LAMP1: variants seen among roughly 807,000 people sequenced by gnomAD.
LAMP1 encodes lysosome-associated membrane glycoprotein 1.
Under a neutral mutation model 37.5 loss-of-function variants are expected in LAMP1, and 7 were observed. That is an observed-to-expected ratio of 0.19 (90% CI 0.11 to 0.35). LAMP1 has a LOEUF of 0.35. Ranked by LOEUF, LAMP1 falls within the 10% of genes least tolerant of loss-of-function variation. LAMP1 has a pLI of 1.00. For missense variants in LAMP1, 537 were observed against 552.8 expected (o/e 0.97, Z 0.29); for synonymous variants, 236 against 229.1 (o/e 1.03, Z -0.27).
rs569970779 is a variant in LAMP1, at chr13:113,318,789, C to T, written c.563-680C>T. ...CCTCGTGAGGATGCTTGCCCATCCC[C>T]CACAGCCCCCTCCCCAAATGAAGAC... is the stretch of plus-strand genomic sequence containing the variant. On this transcript the variant is annotated intron_variant, in intron 4 of 8. Coordinates refer to ENST00000332556, the MANE Select transcript of LAMP1 (RefSeq NM_005561.4). Among the ~76,000 whole-genome samples the T allele has an allele frequency of 9.9e-5, 15 of 152,240 alleles. No homozygotes were observed. The East Asian group carries it at 2.1e-3, about 22-fold the overall frequency.
chr13:113,309,598 TA>T, intron 2 of LAMP1, 44 bp from the exon 3 acceptor site: 1 of 1,440,208 alleles, frequency 6.9e-7, no homozygotes, highest in Non-Finnish European at 9.6e-7. Flanking sequence ...GAACTTTTAA[TA>T]ACCTGCATCC....
At chr13:113,316,151 T>G (rs557734652) in intron 4 of LAMP1, among the ~76,000 whole-genome samples, 1 of 152,304 alleles carries the variant, frequency 6.6e-6, no homozygotes, top group East Asian at 1.9e-4. Flanking sequence ...CCAGAGGGTC[T>G]GAGTGCAGCT....
rs541471759 is a variant in LAMP1 at position 113,300,164 on chromosome 13, A to G, written c.61+2669A>G. On this transcript the variant is annotated intron_variant, in intron 1 of 8. Coordinates refer to ENST00000332556, the MANE Select transcript of LAMP1 (RefSeq NM_005561.4). Reference sequence around the variant, plus strand: ...CCGCCTTACCCTTTCCACTTGAACAACTGTCACTTAGGAGGTTTGAACAAT... The same window carrying G: ...CCGCCTTACCCTTTCCACTTGAACAGCTGTCACTTAGGAGGTTTGAACAAT... Among the ~76,000 whole-genome samples, 3 of 152,240 alleles carry G rather than the reference A, an allele frequency of 2.0e-5. No individual in the cohort carries two copies. The South Asian group carries it at 6.2e-4, about 32-fold the overall frequency.
chr13:113,320,748 C>A lies in LAMP1; in HGVS notation c.876+278C>A, dbSNP rs1197373775. 8.9e-6 allele frequency: 4 copies of A among 447,394 alleles called. No individual in the cohort carries two copies. The highest frequency in any genetic ancestry group is 7.8e-5 in the African/African-American group (4 of 51,434). The allele number at this position is 447,394 out of a possible 1,614,324, so 27.7% of individuals were successfully genotyped here. ...CCGTGCGGCCTTCTGGCTTCAGATGCTGCTGCCCTGTGGTTCCGTGGTGGC... is the reference window on the plus strand; with the variant it reads ...CCGTGCGGCCTTCTGGCTTCAGATGATGCTGCCCTGTGGTTCCGTGGTGGC... On this transcript the variant is annotated intron_variant, in intron 6 of 8. Coordinates refer to ENST00000332556, the MANE Select transcript of LAMP1 (RefSeq NM_005561.4). This position sits in a 1 kb window ranked among gnomAD's most constrained non-coding sequence, Gnocchi z 4.4.
intron 4 of LAMP1, among the ~76,000 whole-genome samples, chr13:113,313,959 C>T (rs1465445229): frequency 1.4e-5 from 1 of 71,100 alleles, no homozygotes; most frequent in Admixed American, 1.4e-4. Flanking sequence ...TGGAGATGCC[C>T]GTGTGCCTGG....
Position 113,322,730 on chromosome 13 carries a change from CCGCTGTCTCTGAGGGGTGGGGGT to C in LAMP1, c.*310_*332del, listed in dbSNP as rs2042710256. The C allele has an allele frequency of 1.4e-5, 1 of 71,224 alleles. No individual in the cohort carries two copies. Among genetic ancestry groups the C allele is most frequent in the African/African-American group, 6.3e-5 (1 of 15,760 alleles). 4.4% of individuals were successfully genotyped at this position (71,224 alleles called of 1,614,324 possible). On this transcript the variant is annotated 3_prime_UTR_variant, in exon 9 of 9. Coordinates refer to ENST00000332556, the MANE Select transcript of LAMP1 (RefSeq NM_005561.4). ...CCGCTGTCTCTGAGGGGTGGGGGTG[CCGCTGTCTCTGAGGGGTGGGGGT>C]GCCGCTCTCTCTGAGGGGGTGGGGG...
At chr13:113,316,050 C>T (rs1049436999) in intron 4 of LAMP1, among the ~76,000 whole-genome samples, 7 of 152,168 alleles carry the variant, frequency 4.6e-5, no homozygotes, top group Admixed American at 3.9e-4. Context: ...TTGCAGTGAG[C>T]TGAGATCATG....
chr13:113,314,206 C>G (rs1417923620), intron 4 of LAMP1, among the ~76,000 whole-genome samples: 1 of 120,264 alleles, frequency 8.3e-6, no homozygotes, highest in Non-Finnish European at 1.6e-5. Flanking sequence ...GCCCGTGTGC[C>G]TGGGGCGTGG....
chr13:113,307,074 C>T (rs1318095269), intron 2 of LAMP1, among the ~76,000 whole-genome samples: 3 of 151,680 alleles, frequency 2.0e-5, no homozygotes, highest in South Asian at 2.1e-4. Flanking sequence ...CTCCTGACCT[C>T]GTGATCCACC....
In LAMP1 at chr13:113,319,529, C is replaced by T. The variant is rs753888731; in HGVS notation, c.623C>T (p.Pro208Leu). 3.7e-6 allele frequency: 6 copies of T among 1,613,900 alleles called. No homozygotes were observed. In the South Asian group the frequency reaches 6.6e-5, roughly 18 times the overall value. The change falls in exon 5 of 9, where the codon CCC (proline) becomes CTC (leucine). Residue 208 changes from proline to leucine, a missense_variant. Physicochemically the swap from Pro to Leu is moderately conservative, Grantham distance 98. Coordinates refer to ENST00000332556, the MANE Select transcript of LAMP1 (RefSeq NM_005561.4). The part of the protein sequence containing the change: ...PTTAPPAPPS[P>L]SPSPVPKSPS... ...ACAGCGCCCCCTGCGCCACCCAGCC[C>T]CTCGCCCTCACCCGTGCCCAAGAGC...
At chr13:113,319,379 A>C (rs2042684455) in intron 4 of LAMP1, 90 bp from the exon 5 acceptor site, 2 of 1,180,030 alleles carry the variant, frequency 1.7e-6, no homozygotes, top group South Asian at 1.5e-5. Flanking sequence ...GAGTCCACAG[A>C]TGTAGTTTTG....
chr13:113,299,162 TA>T (rs2042557616), intron 1 of LAMP1, among the ~76,000 whole-genome samples: 1 of 152,132 alleles, frequency 6.6e-6, no homozygotes, highest in South Asian at 2.1e-4. Flanking sequence ...AAATTAACTT[TA>T]AAAATGAAGA....
Position 113,321,807 on chromosome 13 carries a change from G to A in LAMP1, c.1114+80G>A, listed in dbSNP as rs947988934. 21 of 1,432,910 alleles carry A rather than the reference G, an allele frequency of 1.5e-5. No homozygotes were observed. The highest frequency in any genetic ancestry group is 2.4e-5 in the South Asian group (2 of 82,686). 88.8% of individuals were successfully genotyped at this position (1,432,910 alleles called of 1,614,324 possible). A position where few individuals can be genotyped will look rare whatever the true frequency, so the allele number is the denominator to read the frequency against. ...CGCCTGTGGACGTTTAGTCGCTTCC[G>A]TGTGGGCTGGGGCGACGCCCCTGTT... On this transcript the variant is annotated intron_variant, in intron 8 of 8. Transcript: ENST00000332556. The surrounding 1 kb of genome is among the most constrained non-coding windows in gnomAD (Gnocchi z 5.6).
At chr13:113,318,307 A>T (rs1030178740) in intron 4 of LAMP1, among the ~76,000 whole-genome samples, 1 of 152,292 alleles carries the variant, frequency 6.6e-6, no homozygotes, top group South Asian at 2.1e-4. Context: ...GAATGTTGAG[A>T]TGGAAGCGGA....
chr13:113,310,299 G>A (rs764274393), intron 3 of LAMP1, among the ~76,000 whole-genome samples: 20 of 150,906 alleles, frequency 1.3e-4, no homozygotes, highest in East Asian at 2.0e-4. Flanking sequence ...AGGCCGAGGC[G>A]GGCAGATCAT....
At chr13:113,307,057 T>C (rs1020980674) in intron 2 of LAMP1, among the ~76,000 whole-genome samples, 1 of 151,986 alleles carries the variant, frequency 6.6e-6, no homozygotes, top group African/African-American at 2.4e-5. Context: ...GCCTTGATGG[T>C]CTCAGTCTCC....
intron 3 of LAMP1, 43 bp downstream of exon 3, chr13:113,309,905 G>A: frequency 9.9e-6 from 15 of 1,509,596 alleles, no homozygotes; most frequent in Non-Finnish European, 1.3e-5. Context: ...TAGAAAATTG[G>A]GTTGGAGGAT....
Position 113,320,410 on chromosome 13 carries a change from C to A in LAMP1, c.816C>A (p.His272Gln). The change falls in exon 6 of 9, where the codon CAC becomes CAA. Residue 272 changes from histidine to glutamine, a missense_variant. Coordinates refer to ENST00000332556, the MANE Select transcript of LAMP1 (RefSeq NM_005561.4). This position sits in a 1 kb window ranked among gnomAD's most constrained non-coding sequence, Gnocchi z 4.4. ...CGGCCAGCGGGAGCTGCGGCGCCCA[C>A]CTGGTGACTCTGGAGCTGCACAGCG... is the stretch of plus-strand genomic sequence containing the variant. The part of the protein sequence containing the change: ...KTSASGSCGA[H>Q]LVTLELHSEG... 1.2e-6 allele frequency: 2 copies of A among 1,612,924 alleles called. No homozygotes were observed. The highest frequency in any genetic ancestry group is 1.7e-6 in the Non-Finnish European group (2 of 1,180,004).
In LAMP1 at chr13:113,306,691, G is replaced by A. The variant is rs41305268; in HGVS notation, c.183+85G>A. 8.4e-3 allele frequency: 12,433 copies of A among 1,479,358 alleles called. 94 individuals carry two copies. The highest frequency in any genetic ancestry group is 0.019 in the South Asian group (1,577 of 82,224). 91.6% of individuals were successfully genotyped at this position (1,479,358 alleles called of 1,614,324 possible). A position where few individuals can be genotyped will look rare whatever the true frequency, so the allele number is the denominator to read the frequency against. On this transcript the variant is annotated intron_variant, in intron 2 of 8. Coordinates refer to ENST00000332556, the MANE Select transcript of LAMP1 (RefSeq NM_005561.4). ...ATTTCAACCAAGTCTTTGAAAAATG[G>A]CCCCATCTGAACATGGTGCTTTTCC...
Sources: gnomAD v4.1 joint callset for allele counts (sites outside exome capture counted in the v4.1 genomes callset) on GRCh38, gnomAD v4.1.1 for gene constraint, Gnocchi (gnomAD v3.1) non-coding constraint, MANE v1.5 for transcripts, NCBI Gene and HGNC (gene_info 2026-07-23, HGNC 2026-07-21) for gene names.